ZNRF2: variants seen among roughly 807,000 people sequenced by gnomAD.
The protein encoded by ZNRF2 is zinc and ring finger 2.
Under a neutral mutation model 20.4 loss-of-function variants are expected in ZNRF2, and 16 were observed. The ratio of observed to expected loss-of-function variants is 0.79; its 90% CI spans 0.53 to 1.19. ZNRF2 has a LOEUF of 1.19. ZNRF2 is among the 50% of genes most tolerant of loss of function. The pLI is 0.00. For synonymous variants in ZNRF2, 178 were observed against 144.9 expected (o/e 1.23, Z -1.64); for missense variants, 363 against 332.4 (o/e 1.09, Z -0.72).
intron 1 of ZNRF2, among the ~76,000 whole-genome samples, chr7:30,289,569 C>T (rs1044852440): frequency 1.3e-5 from 2 of 152,212 alleles, no homozygotes; most frequent in African/African-American, 4.8e-5. Context: ...ACCACAACCC[C>T]TGCCACTCCT....
rs759124073 is a variant in ZNRF2, at chr7:30,323,632, T to C, written c.470-10T>C. 3.9e-6 allele frequency: 6 copies of C among 1,557,214 alleles called. No homozygotes were observed. The South Asian group carries it at 7.2e-5, about 19-fold the overall frequency. ...ATAGTTAAGTAACTTGAGTTTCTTT[T>C]GTTTTTTAGGATTTAAGTGCCCTGT... On this transcript the variant is annotated splice_polypyrimidine_tract_variant and intron_variant, in intron 1 of 4. Transcript: ENST00000323037.
At chr7:30,321,734 A>G (rs879856613) in intron 1 of ZNRF2, among the ~76,000 whole-genome samples, 2 of 152,174 alleles carry the variant, frequency 1.3e-5, no homozygotes, top group African/African-American at 2.4e-5. Flanking sequence ...ACTTCAGGGA[A>G]GCAAATTTTT....
At chr7:30,302,090 A>G (rs1016143330) in intron 1 of ZNRF2, among the ~76,000 whole-genome samples, 6 of 152,244 alleles carry the variant, frequency 3.9e-5, no homozygotes, top group Admixed American at 3.9e-4. Context: ...ATTGTCTGGC[A>G]TGCCTTTGAC....
chr7:30,337,506 T>C (rs1334328770), intron 2 of ZNRF2, among the ~76,000 whole-genome samples: 1 of 152,184 alleles, frequency 6.6e-6, no homozygotes, highest in Non-Finnish European at 1.5e-5. Flanking sequence ...TGAGTTGCAT[T>C]GTGGAAGAGG....
intron 2 of ZNRF2, among the ~76,000 whole-genome samples, chr7:30,347,671 C>CCACTG (rs1157118924): frequency 2.6e-5 from 4 of 152,134 alleles, no homozygotes; most frequent in Non-Finnish European, 4.4e-5. Flanking sequence ...TGAGATTGTA[C>CCACTG]CACTGCACTC....
At chr7:30,333,722 T>C (rs889389423) in intron 2 of ZNRF2, among the ~76,000 whole-genome samples, 1 of 152,172 alleles carries the variant, frequency 6.6e-6, no homozygotes, top group Non-Finnish European at 1.5e-5. Context: ...TGGTATCTCA[T>C]TGTGGTTTTG....
intron 4 of ZNRF2, among the ~76,000 whole-genome samples, chr7:30,362,902 G>GGT (rs1304994094): frequency 6.6e-6 from 1 of 152,182 alleles, no homozygotes; most frequent in East Asian, 1.9e-4. Flanking sequence ...CGGGTCACGA[G>GGT]GTCAGGAGAT....
rs1049606979 is a variant in ZNRF2 at position 30,285,726 on chromosome 7, C to A, written c.369C>A (p.Asp123Glu). ...SQDSVHSSPE[D>E]GGGGRDRPVG... ...ACTCGGTGCACAGCAGCCCTGAGGA[C>A]GGCGGCGGCGGCCGGGACCGGCCGG... The change falls in exon 1 of 5, where the codon GAC (aspartate) becomes GAA (glutamate). Residue 123 changes from aspartate (D) to glutamate (E), a missense_variant. By Grantham distance (45) the Asp-to-Glu change is conservative (BLOSUM62 2). Transcript: ENST00000323037. 1 of 1,464,804 alleles carries A rather than the reference C, an allele frequency of 6.8e-7. No homozygotes were observed. Among genetic ancestry groups the A allele is most frequent in the Non-Finnish European group, 9.0e-7 (1 of 1,113,610 alleles). 90.7% of individuals were successfully genotyped at this position (1,464,804 alleles called of 1,614,324 possible).
chr7:30,359,635 G>A (rs889030046), intron 3 of ZNRF2, among the ~76,000 whole-genome samples: 5 of 152,058 alleles, frequency 3.3e-5, no homozygotes, highest in Non-Finnish European at 7.4e-5. Flanking sequence ...TTAGACCATG[G>A]GCTTTGCTGT....
At chr7:30,307,256 T>C (rs959350680) in intron 1 of ZNRF2, among the ~76,000 whole-genome samples, 4 of 151,442 alleles carry the variant, frequency 2.6e-5, no homozygotes, top group Admixed American at 1.3e-4. Flanking sequence ...CCATTGTTTG[T>C]GTGTTTCATA....
Position 30,285,376 on chromosome 7 carries a change from G to T in ZNRF2, c.19G>T (p.Gly7Cys), listed in dbSNP as rs1303274563. Reference sequence around the variant, plus strand: ...GGCGGACATGGGCGCCAAACAGAGCGGCCCGGCCGCCGCTAACGGCCGCAC... The same window carrying T: ...GGCGGACATGGGCGCCAAACAGAGCTGCCCGGCCGCCGCTAACGGCCGCAC... The part of the protein sequence containing the change: MGAKQS[G>C]PAAANGRTRA... Residue 7 changes from glycine (G) to cysteine (C), a missense_variant, in exon 1 of 5, where the codon GGC becomes TGC. Around this residue, in one of 2 missense-constraint regions of ZNRF2, gnomAD observed 302 missense variants for 231.5 expected, o/e 1.30. Transcript: ENST00000323037. 2 of 1,224,820 alleles carry T rather than the reference G, an allele frequency of 1.6e-6. No homozygotes were observed. The highest frequency in any genetic ancestry group is 1.0e-6 in the Non-Finnish European group (1 of 966,942). The allele number at this position is 1,224,820 out of a possible 1,614,324, so 75.9% of individuals were successfully genotyped here. A position where few individuals can be genotyped will look rare whatever the true frequency, so the allele number is the denominator to read the frequency against.
Position 30,328,141 on chromosome 7 carries a change from AC to A in ZNRF2, c.565+4412del, listed in dbSNP as rs1020693749. On this transcript the variant is annotated intron_variant, in intron 2 of 4. Coordinates refer to ENST00000323037, the MANE Select transcript of ZNRF2 (RefSeq NM_147128.4). ...TAATGCCACCTGGTTTTAAAGTCAG[AC>A]CCCCCCCAAAATGTCTGTCACAGGT... Among the ~76,000 whole-genome samples, 5 of 150,748 alleles carry A rather than the reference AC, an allele frequency of 3.3e-5. No individual in the cohort carries two copies. The East Asian group carries it at 5.8e-4, about 18-fold the overall frequency.
intron 2 of ZNRF2, among the ~76,000 whole-genome samples, chr7:30,353,965 T>G (rs1799995921): frequency 6.6e-6 from 1 of 152,150 alleles, no homozygotes; most frequent in Non-Finnish European, 1.5e-5. Context: ...GTTTTTTTAG[T>G]GTCTCCTTTA....
At chr7:30,316,511 G>A (rs998467108) in intron 1 of ZNRF2, among the ~76,000 whole-genome samples, 7 of 152,038 alleles carry the variant, frequency 4.6e-5, no homozygotes, top group Non-Finnish European at 1.0e-4. Context: ...TAGCTATTTA[G>A]CCTGGTAAAA....
At chr7:30,311,820 A>G (rs1298884899) in intron 1 of ZNRF2, among the ~76,000 whole-genome samples, 1 of 152,130 alleles carries the variant, frequency 6.6e-6, no homozygotes, top group Admixed American at 6.6e-5. Flanking sequence ...ATCTACGTAA[A>G]CGTTACTGAT....
chr7:30,285,836 C>G lies in ZNRF2; in HGVS notation c.469+10C>G. On this transcript the variant is annotated intron_variant, in intron 1 of 4. Coordinates refer to ENST00000323037, the MANE Select transcript of ZNRF2 (RefSeq NM_147128.4). The stretch of plus-strand genomic sequence containing the variant: ...CCGCACATGTTTGGAGGTACGGACC[C>G]CTCTCCGCGCACCCGCGCTCGGTCC... 2.0e-6 allele frequency: 3 copies of G among 1,491,556 alleles called. No homozygotes were observed. The highest frequency in any genetic ancestry group is 5.4e-5 in the East Asian group (2 of 36,728). 92.4% of individuals were successfully genotyped at this position (1,491,556 alleles called of 1,614,324 possible). A position where few individuals can be genotyped will look rare whatever the true frequency, so the allele number is the denominator to read the frequency against.
At chr7:30,328,030 A>G (rs940490692) in intron 2 of ZNRF2, among the ~76,000 whole-genome samples, 1 of 152,190 alleles carries the variant, frequency 6.6e-6, no homozygotes. Flanking sequence ...GTGAAGGAGA[A>G]AGGAGCTTTG....
chr7:30,321,927 T>A (rs1799476573), intron 1 of ZNRF2, among the ~76,000 whole-genome samples: 1 of 152,118 alleles, frequency 6.6e-6, no homozygotes, highest in South Asian at 2.1e-4. Flanking sequence ...TTGGGCCACA[T>A]TTTTTATAGT....
intron 2 of ZNRF2, among the ~76,000 whole-genome samples, chr7:30,329,823 GT>G (rs1799609677): frequency 1.3e-5 from 2 of 152,170 alleles, no homozygotes; most frequent in East Asian, 3.8e-4. Context: ...TATATATCCA[GT>G]AACAGGATTG....
Sources: allele counts gnomAD v4.1 joint callset (sites outside exome capture counted in the v4.1 genomes callset), GRCh38; gene constraint gnomAD v4.1.1; regional missense constraint gnomAD v4.1.1; transcripts MANE v1.5; gene names NCBI Gene and HGNC (gene_info 2026-07-23, HGNC 2026-07-21).